The following SELENOI variants were observed in gnomAD, a reference collection of about 807,000 sequenced individuals.
SELENOI encodes selenoprotein I.
A neutral mutation model predicts 50.7 loss-of-function variants in SELENOI; 24 were observed. The observed-to-expected ratio is 0.47, with a 90% CI of 0.34 to 0.67. SELENOI has a LOEUF of 0.67. SELENOI is among the 30% of genes least tolerant of loss of function. The pLI, the probability that SELENOI is intolerant of heterozygous loss-of-function variation, is 0.01. For missense variants in SELENOI, 352 were observed against 461.4 expected (o/e 0.76, Z 2.17); for synonymous variants, 155 against 170.2 (o/e 0.91, Z 0.70).
intron 1 of SELENOI, among the ~76,000 whole-genome samples, chr2:26,363,018 TA>T (rs1466750938): frequency 2.0e-5 from 3 of 152,208 alleles, no homozygotes; most frequent in Non-Finnish European, 4.4e-5. Context: ...GTATGTCTTT[TA>T]AAATTTCCTT....
At chr2:26,364,394 CTT>C (rs1214992665) in intron 2 of SELENOI, 24 bp downstream of exon 2, 5 of 1,450,628 alleles carry the variant, frequency 3.4e-6, no homozygotes, top group Middle Eastern at 1.8e-4. Flanking sequence ...TATGTATGTA[CTT>C]TTTGTTTTAG....
chr2:26,356,463 CAT>C (rs1348971047), intron 1 of SELENOI, among the ~76,000 whole-genome samples: 1 of 152,188 alleles, frequency 6.6e-6, no homozygotes, highest in African/African-American at 2.4e-5. Context: ...GTATAAAGGA[CAT>C]ACTTTTAGGT....
intron 4 of SELENOI, among the ~76,000 whole-genome samples, chr2:26,369,561 T>C (rs6546949): frequency 0.55 from 84,299 of 151,960 alleles, 24,973 homozygotes; most frequent in African/African-American, 0.72. Flanking sequence ...CTACCACCAG[T>C]TTCTCATTCC....
rs1677183291 is a variant in SELENOI, at chr2:26,361,729, C to T, written c.58-2573C>T. Among the ~76,000 whole-genome samples, 4 of 151,944 alleles carry T rather than the reference C, an allele frequency of 2.6e-5. No homozygotes were observed. The South Asian group carries it at 8.3e-4, about 32-fold the overall frequency. On this transcript the variant is annotated intron_variant, in intron 1 of 9. Coordinates refer to ENST00000260585, the MANE Select transcript of SELENOI (RefSeq NM_033505.4). ...AGCGCAGTGGCACAATCTTGGCTCA[C>T]TGCAGCCTGTGCCCCCTTGGTTCAA...
chr2:26,355,772 G>A (rs775671692), intron 1 of SELENOI, among the ~76,000 whole-genome samples: 47 of 147,590 alleles, frequency 3.2e-4, no homozygotes, highest in Non-Finnish European at 2.5e-4. Flanking sequence ...AGAGTGTCTC[G>A]CTCTGTTGCT....
chr2:26,381,518 A>G (rs1231258606), intron 6 of SELENOI, among the ~76,000 whole-genome samples: 1 of 152,130 alleles, frequency 6.6e-6, no homozygotes, highest in Non-Finnish European at 1.5e-5. Context: ...TTATTTCAAG[A>G]TTTTTAAAAC....
intron 6 of SELENOI, among the ~76,000 whole-genome samples, chr2:26,381,198 CTTTTTTTTTTTTTTTTT>C (rs57102834): frequency 6.6e-5 from 2 of 30,188 alleles, no homozygotes; most frequent in African/African-American, 1.8e-4. Context: ...TCAGTTTGGT[CTTTTTTTTTTTTTTTTT>C]TTTTTTTTTT....
chr2:26,376,710 C>G (rs1677574737), intron 6 of SELENOI, among the ~76,000 whole-genome samples: 1 of 152,178 alleles, frequency 6.6e-6, no homozygotes, highest in Admixed American at 6.5e-5. Context: ...GGTGTTCTTT[C>G]CCAGAAGTTT....
rs376862993 is a variant in SELENOI at position 26,346,206 on chromosome 2, G to T, written c.-27G>T. ...AGCCTTGTAGCCGGGAGTCGCTGCC[G>T]AGTGGGCGCTCAGTTTTCGGGTCGT... On this transcript the variant is annotated 5_prime_UTR_variant, in exon 1 of 10. Transcript: ENST00000260585. 1.9e-6 allele frequency: 3 copies of T among 1,613,582 alleles called. No individual in the cohort carries two copies. The highest frequency in any genetic ancestry group is 2.2e-5 in the South Asian group (2 of 91,024).
intron 4 of SELENOI, among the ~76,000 whole-genome samples, chr2:26,370,834 A>T (rs1677412134): frequency 8.9e-6 from 1 of 112,994 alleles, no homozygotes; most frequent in Admixed American, 9.1e-5. Context: ...CGGGGGGCTG[A>T]CACCCCCACC....
rs1677905743 is a variant in SELENOI at position 26,389,006 on chromosome 2, T to C, written c.1097T>C (p.Val366Ala). The C allele has an allele frequency of 6.3e-7, 1 of 1,579,702 alleles. No individual in the cohort carries two copies. Among genetic ancestry groups the C allele is most frequent in the East Asian group, 2.3e-5 (1 of 43,870 alleles). Residue 366 changes from valine (V) to alanine (A), a missense_variant and splice_region_variant, in exon 10 of 10, where the codon GTA becomes GCA. Val to Ala is a moderately conservative substitution (Grantham distance 64, BLOSUM62 0). Coordinates refer to ENST00000260585, the MANE Select transcript of SELENOI (RefSeq NM_033505.4). ...GTCTCATGTTCTGATTTTTCATAGGTAAAGCAGCTGAGCAGCCATTTTCAG... is the reference window on the plus strand; with the variant it reads ...GTCTCATGTTCTGATTTTTCATAGGCAAAGCAGCTGAGCAGCCATTTTCAG... ...LAHIHYGVRV[V>A]KQLSSHFQIY...
chr2:26,384,788 C>T (rs1426638727), intron 7 of SELENOI, among the ~76,000 whole-genome samples, 171 bp from the exon 8 acceptor site: 1 of 152,146 alleles, frequency 6.6e-6, no homozygotes, highest in African/African-American at 2.4e-5. Context: ...TTCTCTTATC[C>T]TCACTTAGCC....
rs1677984943 is a variant in SELENOI, at chr2:26,392,093, A to G, written c.*2990A>G. ...AGGATGTTACAGTACTAATACCATC[A>G]TGTTATTTATTCTAATATAGAGGCA... On this transcript the variant is annotated 3_prime_UTR_variant, in exon 10 of 10. Transcript: ENST00000260585. 1 of 152,208 alleles carries G rather than the reference A, an allele frequency of 6.6e-6. No individual in the cohort carries two copies. The highest frequency in any genetic ancestry group is 1.5e-5 in the Non-Finnish European group (1 of 68,030). The allele number at this position is 152,208 out of a possible 1,614,324, so 9.4% of individuals were successfully genotyped here.
intron 1 of SELENOI, among the ~76,000 whole-genome samples, chr2:26,348,231 A>C (rs1191463075): frequency 1.3e-5 from 2 of 152,224 alleles, no homozygotes; most frequent in Non-Finnish European, 2.9e-5. Context: ...GCGCTTTATA[A>C]ATGCTTATTT....
intron 1 of SELENOI, among the ~76,000 whole-genome samples, chr2:26,349,596 G>A (rs1676908193): frequency 6.6e-6 from 1 of 150,968 alleles, no homozygotes; most frequent in Non-Finnish European, 1.5e-5. Flanking sequence ...GTGAGCCACC[G>A]TGCCCAGCCC....
intron 1 of SELENOI, among the ~76,000 whole-genome samples, chr2:26,361,508 G>A (rs1221118570): frequency 1.3e-5 from 2 of 152,114 alleles, no homozygotes; most frequent in Non-Finnish European, 2.9e-5. Flanking sequence ...CCTATTTTCC[G>A]ACCCTGGTTG....
At chr2:26,359,928 T>C (rs1677140425) in intron 1 of SELENOI, among the ~76,000 whole-genome samples, 1 of 152,266 alleles carries the variant, frequency 6.6e-6, no homozygotes, top group Middle Eastern at 3.4e-3. Flanking sequence ...CTGAGGTTTT[T>C]CATGGAACGA....
chr2:26,383,342 T>C lies in SELENOI; in HGVS notation c.726T>C (p.Phe242=), dbSNP rs1159162828. 4.6e-6 allele frequency: 7 copies of C among 1,536,790 alleles called. No individual in the cohort carries two copies. Among genetic ancestry groups the C allele is most frequent in the Non-Finnish European group, 6.2e-6 (7 of 1,132,786 alleles). The part of the protein sequence containing the change: ...CVTLPMSLLN[F]FRSYKNNTLK... ...CTCTTCCAATGAGTTTATTAAACTT[T>C]TTCAGGTAAGTATTTTATTTTTTAA... is the stretch of plus-strand genomic sequence containing the variant. Residue 242 remains phenylalanine (F), a synonymous_variant, in exon 7 of 10, where the codon TTT becomes TTC. Transcript: ENST00000260585.
intron 5 of SELENOI, among the ~76,000 whole-genome samples, chr2:26,374,650 C>A (rs939450607): frequency 6.7e-6 from 1 of 148,700 alleles, no homozygotes; most frequent in Non-Finnish European, 1.5e-5. Context: ...CTCACCGCAA[C>A]CTCTGCCTCC....
Sources: allele counts gnomAD v4.1 joint callset (sites outside exome capture counted in the v4.1 genomes callset), GRCh38; gene constraint gnomAD v4.1.1; transcripts MANE v1.5; gene names NCBI Gene and HGNC (gene_info 2026-07-23, HGNC 2026-07-21).